RHEX: variants seen among roughly 807,000 people sequenced by gnomAD.
RHEX encodes regulator of hemoglobinization and erythroid cell expansion protein.
In RHEX, 18 loss-of-function variants were observed where a neutral mutation model predicts 20.1. The observed-to-expected ratio is 0.90, with a 90% CI of 0.62 to 1.33. The LOEUF (loss-of-function observed/expected upper bound fraction) is 1.33. RHEX is among the 40% of genes most tolerant of loss of function. RHEX has a pLI of 0.00. For missense variants in RHEX, 192 were observed against 214.3 expected, an observed-to-expected ratio of 0.90 and a Z score of 0.65; for synonymous variants, 87 against 77.1, an observed-to-expected ratio of 1.13 and a Z score of -0.67.
intron 1 of RHEX, among the ~76,000 whole-genome samples, chr1:206,086,411 G>A (rs1441574506): frequency 1.3e-5 from 2 of 151,848 alleles, no homozygotes; most frequent in African/African-American, 4.8e-5. Flanking sequence ...TCAAGCTCCT[G>A]AGCTCAAGCC....
chr1:206,092,652 T>A (rs945690335), intron 1 of RHEX, among the ~76,000 whole-genome samples: 5 of 152,218 alleles, frequency 3.3e-5, no homozygotes, highest in South Asian at 2.1e-4. Context: ...TCAAAAAAAA[T>A]TTTGTAGTCT....
intron 1 of RHEX, among the ~76,000 whole-genome samples, chr1:206,086,614 A>T (rs977225047): frequency 9.9e-5 from 15 of 152,214 alleles, no homozygotes; most frequent in African/African-American, 3.6e-4. Context: ...AATAGTATCT[A>T]CCTCATAAGG....
intron 1 of RHEX, among the ~76,000 whole-genome samples, chr1:206,082,041 C>G (rs1426160841): frequency 7.9e-5 from 12 of 152,140 alleles, no homozygotes; most frequent in African/African-American, 2.7e-4. Flanking sequence ...TCCCAGTGTT[C>G]TGCTTTCCTC....
chr1:206,092,346 T>G (rs1419295009), intron 1 of RHEX, among the ~76,000 whole-genome samples: 2 of 152,346 alleles, frequency 1.3e-5, no homozygotes, highest in African/African-American at 4.8e-5. Flanking sequence ...TAGTTATCAT[T>G]TATATTTGTC....
intron 1 of RHEX, among the ~76,000 whole-genome samples, chr1:206,074,599 A>G (rs1005752701): frequency 6.6e-6 from 1 of 152,080 alleles, no homozygotes; most frequent in African/African-American, 2.4e-5. Flanking sequence ...GCCACCATCA[A>G]TTTCAGGCCA....
chr1:206,074,871 T>C (rs1553285046), intron 1 of RHEX, among the ~76,000 whole-genome samples: 1 of 152,114 alleles, frequency 6.6e-6, no homozygotes, highest in African/African-American at 2.4e-5. Flanking sequence ...AGCCCCCTCA[T>C]AGGTGATGTA....
At chr1:206,075,306 A>G (rs1486484404) in intron 1 of RHEX, among the ~76,000 whole-genome samples, 2 of 152,216 alleles carry the variant, frequency 1.3e-5, no homozygotes, top group Non-Finnish European at 2.9e-5. Flanking sequence ...ATAGAAAAAC[A>G]CCGCATAAAG....
At chr1:206,086,425 C>T (rs1248414302) in intron 1 of RHEX, among the ~76,000 whole-genome samples, 1 of 152,072 alleles carries the variant, frequency 6.6e-6, no homozygotes, top group African/African-American at 2.4e-5. Context: ...TCAAGCCAAC[C>T]TCCCACCCCT....
At chr1:206,087,413 C>G (rs1469758561) in intron 1 of RHEX, among the ~76,000 whole-genome samples, 1 of 152,174 alleles carries the variant, frequency 6.6e-6, no homozygotes, top group East Asian at 1.9e-4. Context: ...TCTTGGGGAT[C>G]TCTTTTTCCT....
intron 1 of RHEX, among the ~76,000 whole-genome samples, chr1:206,094,813 G>A (rs782627791): frequency 1.6e-4 from 24 of 152,278 alleles, no homozygotes; most frequent in African/African-American, 5.5e-4. Flanking sequence ...ATCCCAAAGT[G>A]TACGCTCTGA....
chr1:206,082,030 C>T (rs1553285967), intron 1 of RHEX, among the ~76,000 whole-genome samples: 1 of 152,156 alleles, frequency 6.6e-6, no homozygotes. Context: ...CTCCACATGG[C>T]TCCCAGTGTT....
intron 1 of RHEX, among the ~76,000 whole-genome samples, chr1:206,072,628 C>A (rs1158706836): frequency 6.6e-6 from 1 of 152,062 alleles, no homozygotes; most frequent in Admixed American, 6.6e-5. Flanking sequence ...ACCATATTCC[C>A]GTAATGTACT....
At position 206,053,263 on chromosome 1, in the gene RHEX, T is replaced by C. The variant is rs1173501817; in HGVS notation, c.-99T>C. On this transcript the variant is annotated splice_region_variant and 5_prime_UTR_variant, in exon 1 of 6. Transcript: ENST00000331555. ...CACTTGGAGTCCGGACATCTGAAACTTGGTAAGACTAGTCTTTGGAACTTG... is the reference window on the plus strand; with the variant it reads ...CACTTGGAGTCCGGACATCTGAAACCTGGTAAGACTAGTCTTTGGAACTTG... 1 of 152,802 alleles carries C rather than the reference T, an allele frequency of 6.5e-6. No individual in the cohort carries two copies. Among genetic ancestry groups the C allele is most frequent in the African/African-American group, 2.4e-5 (1 of 41,452 alleles). The allele number at this position is 152,802 out of a possible 1,614,324, so 9.5% of individuals were successfully genotyped here. A position where few individuals can be genotyped will look rare whatever the true frequency, so the allele number is the denominator to read the frequency against.
intron 1 of RHEX, among the ~76,000 whole-genome samples, chr1:206,081,180 G>C (rs375307976): frequency 7.9e-5 from 12 of 152,254 alleles, no homozygotes; most frequent in African/African-American, 2.2e-4. Context: ...CATGTAGTAG[G>C]GAGTGGACAC....
chr1:206,099,466 G>A (rs1315516040), intron 3 of RHEX, among the ~76,000 whole-genome samples, 189 bp from the exon 4 acceptor site: 4 of 151,910 alleles, frequency 2.6e-5, no homozygotes, highest in Admixed American at 6.6e-5. Context: ...TTACCGGCAC[G>A]CATCATCATG....
At chr1:206,080,085 T>A (rs1662707101) in intron 1 of RHEX, among the ~76,000 whole-genome samples, 1 of 152,208 alleles carries the variant, frequency 6.6e-6, no homozygotes, top group Non-Finnish European at 1.5e-5. Flanking sequence ...CGCTGGAGAA[T>A]TCTGAGCAGA....
At chr1:206,065,933 T>C (rs1034450654) in intron 1 of RHEX, among the ~76,000 whole-genome samples, 13 of 152,230 alleles carry the variant, frequency 8.5e-5, no homozygotes, top group African/African-American at 2.4e-4. Flanking sequence ...TAGCCAGGAC[T>C]GGGCTTGGCC....
chr1:206,078,821 C>A (rs1380049367), intron 1 of RHEX, among the ~76,000 whole-genome samples: 2 of 152,108 alleles, frequency 1.3e-5, no homozygotes, highest in Non-Finnish European at 2.9e-5. Context: ...GAGTGCTATC[C>A]TAAAGACACC....
At chr1:206,077,644 T>C (rs1662658968) in intron 1 of RHEX, among the ~76,000 whole-genome samples, 1 of 152,070 alleles carries the variant, frequency 6.6e-6, no homozygotes, top group Non-Finnish European at 1.5e-5. Context: ...TGGTGGTGAG[T>C]GCCTGCAGGC....
Sources: allele counts gnomAD v4.1 joint callset (sites outside exome capture counted in the v4.1 genomes callset), GRCh38; gene constraint gnomAD v4.1.1; transcripts MANE v1.5; gene names NCBI Gene and HGNC (gene_info 2026-07-23, HGNC 2026-07-21).